Variants in SLC5A10 observed in about 807,000 individuals in gnomAD.
SLC5A10 encodes the protein sodium/mannose cotransporter SLC5A10.
In SLC5A10, 55 loss-of-function variants were observed where a neutral mutation model predicts 68.9. The ratio of observed to expected loss-of-function variants is 0.80; its 90% confidence interval spans 0.64 to 1.00. The LOEUF (loss-of-function observed/expected upper bound fraction) is 1.00. SLC5A10 is among the 50% of genes least tolerant of loss of function. The pLI is 0.00. For synonymous variants in SLC5A10, 344 were observed against 344.8 expected, an observed-to-expected ratio of 1.00 and a Z score of 0.02; for missense variants, 732 against 819.3, an observed-to-expected ratio of 0.89 and a Z score of 1.30.
intron 9 of SLC5A10, among the ~76,000 whole-genome samples, chr17:18,989,546 C>T (rs532483998): frequency 6.6e-6 from 1 of 152,378 alleles, no homozygotes; most frequent in East Asian, 1.9e-4. Context: ...CTGAGCAAAA[C>T]ACCTGGCTTC....
chr17:18,970,904 C>A, intron 7 of SLC5A10, 109 bp from the exon 8 acceptor site: 1 of 1,017,028 alleles, frequency 9.8e-7, no homozygotes, highest in Non-Finnish European at 1.5e-6. Context: ...GGAAAAAACT[C>A]AAGTTTGATG....
chr17:18,976,617 G>A (rs1018232013), intron 8 of SLC5A10: 2 of 545,214 alleles, frequency 3.7e-6, no homozygotes, highest in Non-Finnish European at 3.2e-6. Flanking sequence ...GACAGGTCAG[G>A]GGACTGAGTC....
chr17:18,978,356 C>T, intron 9 of SLC5A10: 1 of 1,599,392 alleles, frequency 6.3e-7, no homozygotes, highest in Non-Finnish European at 8.5e-7. Context: ...CTGGGGGTTC[C>T]AGATGTTGGG....
intron 3 of SLC5A10, 111 bp from the exon 4 acceptor site, chr17:18,959,493 G>T (rs2151993102): frequency 4.1e-6 from 5 of 1,225,606 alleles, no homozygotes; most frequent in South Asian, 2.5e-5. Flanking sequence ...GTCAGGAGGG[G>T]CTGGGGGAAG....
intron 10 of SLC5A10, 136 bp from the exon 11 acceptor site, chr17:19,014,913 T>C: frequency 9.3e-7 from 1 of 1,072,824 alleles, no homozygotes; most frequent in Non-Finnish European, 1.3e-6. Context: ...CTCCTCAGCT[T>C]CTCTCCCTCC....
chr17:18,982,759 G>A (rs1486127364), intron 9 of SLC5A10, among the ~76,000 whole-genome samples: 1 of 152,256 alleles, frequency 6.6e-6, no homozygotes, highest in East Asian at 1.9e-4. Context: ...GTGCGAGGCA[G>A]AGGGGGCTGA....
In SLC5A10 at chr17:18,971,311, G is replaced by A. The variant is rs769279646; in HGVS notation, c.846+93G>A. ...GGCCTGTCTGCCCTCCGCGTCATGA[G>A]TCTGGGCTGGGGCCTCAGAAGGTGT... On this transcript the variant is annotated intron_variant, in intron 8 of 14. Transcript: ENST00000395645. The surrounding 1 kb of genome is among the most constrained non-coding windows in gnomAD (Gnocchi z 5.5). 29 of 1,607,894 alleles carry A rather than the reference G, an allele frequency of 1.8e-5. No homozygotes were observed. The Admixed American group carries it at 2.5e-4, about 14-fold the overall frequency.
intron 9 of SLC5A10, among the ~76,000 whole-genome samples, chr17:18,982,068 T>C (rs531380943): frequency 1.7e-4 from 26 of 152,308 alleles, no homozygotes; most frequent in African/African-American, 6.3e-4. Flanking sequence ...ATCCCAAACC[T>C]TGTCCTGATG....
At chr17:18,997,602 G>A (rs915705735) in intron 9 of SLC5A10, among the ~76,000 whole-genome samples, 1 of 152,254 alleles carries the variant, frequency 6.6e-6, no homozygotes, top group Non-Finnish European at 1.5e-5. Flanking sequence ...TAATGCCCCA[G>A]AAAGCCTGGC....
intron 9 of SLC5A10, among the ~76,000 whole-genome samples, chr17:18,981,845 G>A (rs1219263965): frequency 6.6e-6 from 1 of 152,168 alleles, no homozygotes; most frequent in African/African-American, 2.4e-5. Flanking sequence ...GACAATTAGC[G>A]CTCGTGACTT....
Position 19,022,096 on chromosome 17 carries a change from C to T in SLC5A10, c.*1665C>T. The T allele has an allele frequency of 6.3e-7, 1 of 1,578,808 alleles. No individual in the cohort carries two copies. Among genetic ancestry groups the T allele is most frequent in the Non-Finnish European group, 8.6e-7 (1 of 1,163,190 alleles). ...CGGCGGAAGCTGAGCTGCGAGGGGTCCTGGGCTGAGAAGTCAAACTGGGCC... is the reference window on the plus strand; with the variant it reads ...CGGCGGAAGCTGAGCTGCGAGGGGTTCTGGGCTGAGAAGTCAAACTGGGCC... On this transcript the variant is annotated 3_prime_UTR_variant, in exon 15 of 15. Transcript: ENST00000395645.
intron 8 of SLC5A10, among the ~76,000 whole-genome samples, chr17:18,974,818 A>T (rs1372796956): frequency 6.6e-6 from 1 of 152,182 alleles, no homozygotes; most frequent in East Asian, 1.9e-4. Flanking sequence ...TCAGGGAGTG[A>T]GTGCCGGCTT....
intron 9 of SLC5A10, chr17:18,986,089 G>A (rs928917950): frequency 2.0e-5 from 3 of 152,326 alleles, no homozygotes; most frequent in African/African-American, 7.2e-5. Context: ...ACCCACAGCA[G>A]GTCAGCGGCC....
chr17:19,001,534 C>T (rs2043729786), intron 9 of SLC5A10, among the ~76,000 whole-genome samples: 1 of 152,216 alleles, frequency 6.6e-6, no homozygotes, highest in Non-Finnish European at 1.5e-5. Context: ...CAGACTGGCA[C>T]CCAAACTGGA....
In SLC5A10 at chr17:18,981,775, C is replaced by G. The variant is rs113214947; in HGVS notation, c.982+4786C>G. 3.4e-3 allele frequency among the ~76,000 whole-genome samples: 519 copies of G among 152,350 alleles called. 2 individuals are homozygous for G. The highest frequency in any genetic ancestry group is 0.01 in the African/African-American group (433 of 41,580). ...CCCAGGGCCGCCCTCGCCGGCCCCC[C>G]ACCCCGCAGGCTGCAGGTTTGCACA... On this transcript the variant is annotated intron_variant, in intron 9 of 14. Transcript: ENST00000395645.
intron 9 of SLC5A10, among the ~76,000 whole-genome samples, chr17:18,982,503 G>T (rs2043164106): frequency 6.6e-6 from 1 of 152,240 alleles, no homozygotes; most frequent in South Asian, 2.1e-4. Flanking sequence ...GGCCCAAGAG[G>T]GGTGCCCTGG....
At chr17:18,972,078 T>C (rs1393751354) in intron 8 of SLC5A10, among the ~76,000 whole-genome samples, 3 of 152,166 alleles carry the variant, frequency 2.0e-5, no homozygotes, top group Non-Finnish European at 4.4e-5. Context: ...GGAGTTTCTG[T>C]TGAGTGCAGG....
rs759218462 is a variant in SLC5A10 at position 19,019,411 on chromosome 17, A to G, written c.1242-12A>G. ...CCACGACGACCGCTGCCTGCCTTCC[A>G]CTCGCCTGCAGGCTGGTCATAGTGG... is the stretch of plus-strand genomic sequence containing the variant. On this transcript the variant is annotated splice_polypyrimidine_tract_variant and intron_variant, in intron 11 of 14. Coordinates refer to ENST00000395645, the MANE Select transcript of SLC5A10 (RefSeq NM_001042450.4). 1.0e-5 allele frequency: 16 copies of G among 1,604,670 alleles called. No homozygotes were observed. Among genetic ancestry groups the G allele is most frequent in the African/African-American group, 2.7e-5 (2 of 74,798 alleles).
Position 18,952,351 on chromosome 17 carries a change from C to T in SLC5A10, c.111+35C>T, listed in dbSNP as rs746609165. ...CCTGTGGTGGTGTTGGCCAAGTGGG[C>T]TCTCAGGGTTGGTGCTTGGGGTGGG... On this transcript the variant is annotated intron_variant, in intron 1 of 14. Coordinates refer to ENST00000395645, the MANE Select transcript of SLC5A10 (RefSeq NM_001042450.4). 4 of 1,591,034 alleles carry T rather than the reference C, an allele frequency of 2.5e-6. No individual in the cohort carries two copies. The South Asian group carries it at 3.4e-5, about 14-fold the overall frequency.
Sources: allele counts gnomAD v4.1 joint callset (sites outside exome capture counted in the v4.1 genomes callset), GRCh38; gene constraint gnomAD v4.1.1; non-coding constraint Gnocchi (gnomAD v3.1); transcripts MANE v1.5; gene names NCBI Gene and HGNC (gene_info 2026-07-23, HGNC 2026-07-21).